The following LARGE1 variants were observed in gnomAD, a reference collection of about 807,000 sequenced individuals.
LARGE1 encodes LARGE xylosyl- and glucuronyltransferase 1.
Under a neutral mutation model 87.6 loss-of-function variants are expected in LARGE1, and 43 were observed. The observed-to-expected ratio is 0.49, with a 90% CI of 0.38 to 0.63. The LOEUF (loss-of-function observed/expected upper bound fraction) is 0.63, where lower values mean the gene tolerates loss of function less well. Ranked by LOEUF, LARGE1 falls within the 30% of genes least tolerant of loss-of-function variation. LARGE1 has a pLI of 0.00. For synonymous variants in LARGE1, 434 were observed against 394.6 expected, an observed-to-expected ratio of 1.10 and a Z score of -1.18; for missense variants, 802 against 1,000.2, an observed-to-expected ratio of 0.80 and a Z score of 2.67.
At chr22:33,166,582 T>C (rs1922285428) in exon 12 of LARGE1, 1 of 366,938 alleles carries the variant, frequency 2.7e-6, no homozygotes, top group Non-Finnish European at 5.4e-6. Context: ...CATGTACTAC[T>C]TCAATCTTAC....
chr22:33,526,597 A>G (rs890996691), intron 6 of LARGE1, among the ~76,000 whole-genome samples: 2 of 152,252 alleles, frequency 1.3e-5, no homozygotes, highest in Non-Finnish European at 2.9e-5. Flanking sequence ...GTGCTCTCAC[A>G]TGGCTCAGCA....
At chr22:33,821,080 A>C (rs773035866) in intron 1 of LARGE1, among the ~76,000 whole-genome samples, 9 of 152,214 alleles carry the variant, frequency 5.9e-5, no homozygotes, top group Non-Finnish European at 1.2e-4. Flanking sequence ...ACAGTGGTGA[A>C]GAGAACAAAC....
At chr22:33,918,468 G>T (rs1012524878) in intron 1 of LARGE1, among the ~76,000 whole-genome samples, 3 of 152,202 alleles carry the variant, frequency 2.0e-5, no homozygotes, top group Non-Finnish European at 1.5e-5. Flanking sequence ...ACAGGGACAG[G>T]CTCGATAAAT....
At chr22:33,455,222 T>G (rs1228264124) in intron 6 of LARGE1, among the ~76,000 whole-genome samples, 2 of 152,218 alleles carry the variant, frequency 1.3e-5, no homozygotes, top group Non-Finnish European at 2.9e-5. Flanking sequence ...TAGTAACTGA[T>G]GTGCAGGGCA....
intron 6 of LARGE1, among the ~76,000 whole-genome samples, chr22:33,458,199 C>CG (rs2068219313): frequency 6.6e-6 from 1 of 151,212 alleles, no homozygotes; most frequent in South Asian, 2.1e-4. Context: ...CTCCATCTCC[C>CG]GGGTTCATGC....
At chr22:33,196,145 G>T (rs138051473) in intron 11 of LARGE1, among the ~76,000 whole-genome samples, 1 of 147,160 alleles carries the variant, frequency 6.8e-6, no homozygotes, top group African/African-American at 2.5e-5. Context: ...AAAAAAAAGC[G>T]TAAGGATAAA....
At chr22:33,283,487 GA>G (rs2145896651) in intron 12 of LARGE1, 139 bp from the exon 13 acceptor site, 2 of 933,992 alleles carry the variant, frequency 2.1e-6, no homozygotes, top group Admixed American at 3.9e-5. Flanking sequence ...TAAAGATGGG[GA>G]AACTGGGCCA....
In LARGE1 at chr22:33,781,592, A is replaced by G. The variant is rs570622308; in HGVS notation, c.-82-20034T>C. ...AGAAGCCCCATCCAAAGACCAAGGC[A>G]GCTTCCAGCTGTGATCACTTAGGAC... is the stretch of plus-strand genomic sequence containing the variant. On this transcript the variant is annotated intron_variant, in intron 1 of 14. Coordinates refer to ENST00000397394, the MANE Select transcript of LARGE1 (RefSeq NM_133642.5). Among the ~76,000 whole-genome samples the G allele has an allele frequency of 5.3e-5, 8 of 152,348 alleles. No individual in the cohort carries two copies. In the South Asian group the frequency reaches 1.5e-3, roughly 28 times the overall value.
intron 1 of LARGE1, among the ~76,000 whole-genome samples, chr22:33,840,643 C>T (rs939041335): frequency 2.6e-5 from 4 of 151,648 alleles, no homozygotes; most frequent in Non-Finnish European, 4.4e-5. Context: ...AGACAGTCCC[C>T]GATTTAGGAT....
At chr22:33,748,707 A>G (rs892620314) in intron 2 of LARGE1, among the ~76,000 whole-genome samples, 1 of 152,244 alleles carries the variant, frequency 6.6e-6, no homozygotes, top group Non-Finnish European at 1.5e-5. Flanking sequence ...GCATCAGAGG[A>G]TGGCCCTTTC....
chr22:33,820,027 G>A (rs1457983510), intron 1 of LARGE1, among the ~76,000 whole-genome samples: 1 of 152,056 alleles, frequency 6.6e-6, no homozygotes, highest in African/African-American at 2.4e-5. Flanking sequence ...CTTAGGCCAG[G>A]GTCACTGTGT....
rs1458028901 is a variant in LARGE1 at position 33,677,782 on chromosome 22, G to A, written c.107-27114C>T. Among the ~76,000 whole-genome samples, 4 of 152,186 alleles carry A rather than the reference G, an allele frequency of 2.6e-5. No individual in the cohort carries two copies. The South Asian group carries it at 8.3e-4, about 32-fold the overall frequency. On this transcript the variant is annotated intron_variant, in intron 2 of 14. Transcript: ENST00000397394. ...TGTCCAGACCAACAGCTTACACCCTGTTTGTCTGTCCAAATTCTTGAGACC... is the reference window on the plus strand; with the variant it reads ...TGTCCAGACCAACAGCTTACACCCTATTTGTCTGTCCAAATTCTTGAGACC...
At chr22:33,556,516 AAG>A (rs2077681946) in intron 6 of LARGE1, among the ~76,000 whole-genome samples, 1 of 78,988 alleles carries the variant, frequency 1.3e-5, no homozygotes, top group African/African-American at 6.0e-5. Flanking sequence ...AGAAGGAAGG[AAG>A]GGAGGGAGGG....
intron 2 of LARGE1, among the ~76,000 whole-genome samples, chr22:33,676,372 CAAAAAAAAAAAA>C (rs10567981): frequency 8.0e-4 from 13 of 16,284 alleles, no homozygotes; most frequent in South Asian, 5.6e-3. Context: ...GATTCAATGG[CAAAAAAAAAAAA>C]AAAAAAAAAA....
At chr22:33,263,716 C>T (rs1030940302) in intron 11 of LARGE1, among the ~76,000 whole-genome samples, 28 of 152,202 alleles carry the variant, frequency 1.8e-4, no homozygotes, top group African/African-American at 6.5e-4. Flanking sequence ...ATAATACATG[C>T]GTGCTGTTTG....
chr22:33,455,231 C>A (rs1259460933), intron 6 of LARGE1, among the ~76,000 whole-genome samples: 1 of 152,174 alleles, frequency 6.6e-6, no homozygotes, highest in African/African-American at 2.4e-5. Context: ...ATGTGCAGGG[C>A]ACACAGATGG....
At chr22:33,332,593 C>T (rs1314373471) in intron 10 of LARGE1, among the ~76,000 whole-genome samples, 1 of 152,192 alleles carries the variant, frequency 6.6e-6, no homozygotes, top group South Asian at 2.1e-4. Flanking sequence ...CTTTCAGACT[C>T]ACCACCATCT....
At chr22:33,068,946 AC>A in the LARGE1 span, among the ~76,000 whole-genome samples, 1,322 of 152,250 alleles carry the variant, frequency 8.7e-3, 14 homozygotes, top group South Asian at 0.025. Flanking sequence ...GCTGGAGGGA[AC>A]CCAGGAAACT....
intron 6 of LARGE1, among the ~76,000 whole-genome samples, chr22:33,553,793 G>A (rs373781390): frequency 6.6e-6 from 1 of 152,128 alleles, no homozygotes; most frequent in Admixed American, 6.5e-5. Flanking sequence ...CTTGAGTTGG[G>A]AAAGGGAGTG....
Sources: allele counts gnomAD v4.1 joint callset (sites outside exome capture counted in the v4.1 genomes callset), GRCh38; gene constraint gnomAD v4.1.1; transcripts MANE v1.5; gene names NCBI Gene and HGNC (gene_info 2026-07-23, HGNC 2026-07-21).